CHEK1: variants seen among roughly 807,000 people sequenced by gnomAD.
The protein encoded by CHEK1 is serine/threonine-protein kinase Chk1.
A neutral mutation model predicts 60.2 loss-of-function variants in CHEK1; 32 were observed. The ratio of observed to expected loss-of-function variants is 0.53; its 90% confidence interval spans 0.40 to 0.71. The LOEUF is 0.71. CHEK1 is among the 30% of genes least tolerant of loss of function. CHEK1 has a pLI of 0.00. For synonymous variants in CHEK1, 179 were observed against 187.2 expected, an observed-to-expected ratio of 0.96 and a Z score of 0.36; for missense variants, 399 against 564.6, an observed-to-expected ratio of 0.71 and a Z score of 2.97.
intron 13 of CHEK1, among the ~76,000 whole-genome samples, chr11:125,672,994 C>G (rs1323401610): frequency 6.6e-6 from 1 of 152,068 alleles, no homozygotes. Context: ...AATCGTGCTA[C>G]TCCCCTAGCA....
chr11:125,662,959 C>T (rs1455083888), intron 13 of CHEK1, among the ~76,000 whole-genome samples: 1 of 151,932 alleles, frequency 6.6e-6, no homozygotes, highest in Non-Finnish European at 1.5e-5. Context: ...TTGCATTTCC[C>T]TAGTGGGTAA....
Position 125,633,061 on chromosome 11 carries a change from A to G in CHEK1, c.425-102A>G, listed in dbSNP as rs185242753. 9 of 1,016,546 alleles carry G rather than the reference A, an allele frequency of 8.9e-6. No homozygotes were observed. The East Asian group carries it at 2.3e-4, about 26-fold the overall frequency. 63.0% of individuals were successfully genotyped at this position (1,016,546 alleles called of 1,614,324 possible). On this transcript the variant is annotated intron_variant, in intron 5 of 12. Transcript: ENST00000438015. ...TTTTAAGAGAAGTTCTACAAACCTT[A>G]AGTAACACCAGTGATTTTTTTTCAG...
At chr11:125,638,832 T>G (rs1031571650) in intron 8 of CHEK1, among the ~76,000 whole-genome samples, 14 of 152,218 alleles carry the variant, frequency 9.2e-5, no homozygotes, top group African/African-American at 2.7e-4. Context: ...TAAATATTTA[T>G]TTGGATCATC....
At chr11:125,663,480 T>C (rs1942052163) in intron 13 of CHEK1, among the ~76,000 whole-genome samples, 1 of 152,146 alleles carries the variant, frequency 6.6e-6, no homozygotes, top group African/African-American at 2.4e-5. Context: ...TTTTAAAATT[T>C]AATATTAGAG....
chr11:125,652,321 T>C (rs950341341), intron 11 of CHEK1, among the ~76,000 whole-genome samples: 3 of 152,190 alleles, frequency 2.0e-5, no homozygotes, highest in African/African-American at 7.2e-5. Flanking sequence ...TGAGCGTCTT[T>C]CCATGCCATA....
intron 7 of CHEK1, 119 bp downstream of exon 7, chr11:125,635,652 T>C: frequency 1.7e-6 from 1 of 589,880 alleles, no homozygotes; most frequent in Non-Finnish European, 2.9e-6. Flanking sequence ...ATGTTCGTTG[T>C]AGATAAAATA....
intron 9 of CHEK1, 56 bp from the exon 10 acceptor site, chr11:125,644,034 AG>A: frequency 6.4e-7 from 1 of 1,570,474 alleles, no homozygotes; most frequent in Non-Finnish European, 8.7e-7. Context: ...GATATAAGAA[AG>A]GCCTGATAGA....
At chr11:125,638,033 G>A (rs929101935) in intron 8 of CHEK1, among the ~76,000 whole-genome samples, 7 of 152,220 alleles carry the variant, frequency 4.6e-5, no homozygotes, top group African/African-American at 1.7e-4. Flanking sequence ...TTTGTTGAGT[G>A]AGTGAACAGG....
intron 13 of CHEK1, among the ~76,000 whole-genome samples, chr11:125,668,356 C>G (rs1942136485): frequency 6.6e-6 from 1 of 152,080 alleles, no homozygotes; most frequent in Admixed American, 6.5e-5. Flanking sequence ...TTTGTTTTAT[C>G]TCATGTTCTC....
At chr11:125,626,649 G>A (rs946578486) in intron 1 of CHEK1, 100 bp from the exon 2 acceptor site, 11 of 954,034 alleles carry the variant, frequency 1.2e-5, no homozygotes, top group Admixed American at 1.8e-5. Flanking sequence ...GAAGGCAAGA[G>A]CTGTTAATTT....
intron 13 of CHEK1, among the ~76,000 whole-genome samples, chr11:125,669,586 C>A (rs1339083577): frequency 1.5e-5 from 2 of 134,924 alleles, no homozygotes; most frequent in African/African-American, 5.7e-5. Context: ...TACAGTGGTG[C>A]GATCTCGGCT....
At chr11:125,650,457 TG>T (rs1359515966) in intron 11 of CHEK1, among the ~76,000 whole-genome samples, 2 of 128,370 alleles carry the variant, frequency 1.6e-5, no homozygotes, top group Non-Finnish European at 3.3e-5. Flanking sequence ...TAGTGGTGTT[TG>T]TTTTTTTTTT....
At chr11:125,663,316 G>GT (rs938357331) in intron 13 of CHEK1, among the ~76,000 whole-genome samples, 1 of 151,936 alleles carries the variant, frequency 6.6e-6, no homozygotes, top group Non-Finnish European at 1.5e-5. Flanking sequence ...TTTTTCCAGT[G>GT]TTTTTTCTTA....
At chr11:125,671,557 T>TA (rs1208528290) in intron 13 of CHEK1, 3 of 152,204 alleles carry the variant, frequency 2.0e-5, no homozygotes, top group Non-Finnish European at 2.9e-5. Flanking sequence ...TTAAATTTTA[T>TA]ATACAGTAAA....
chr11:125,632,727 T>C (rs2135988309), intron 5 of CHEK1, among the ~76,000 whole-genome samples: 1 of 152,312 alleles, frequency 6.6e-6, no homozygotes, highest in South Asian at 2.1e-4. Context: ...TCTTCACATA[T>C]TTTCTTCTGC....
intron 11 of CHEK1, among the ~76,000 whole-genome samples, chr11:125,650,250 CTTCT>C (rs780376958): frequency 6.6e-6 from 1 of 150,870 alleles, no homozygotes; most frequent in Non-Finnish European, 1.5e-5. Context: ...TTTCTTTATT[CTTCT>C]TTCTTTATGT....
At chr11:125,664,272 C>T (rs1187923206) in intron 13 of CHEK1, among the ~76,000 whole-genome samples, 2 of 140,502 alleles carry the variant, frequency 1.4e-5, no homozygotes, top group East Asian at 2.1e-4. Context: ...CTCACTCTGT[C>T]GCCCAGGCTA....
downstream of CHEK1, among the ~76,000 whole-genome samples, chr11:125,680,493 G>A (rs1847306731): frequency 6.6e-6 from 1 of 152,110 alleles, no homozygotes; most frequent in African/African-American, 2.4e-5. Context: ...AATGTTGAGT[G>A]GCTAAAATAA....
At position 125,643,892 on chromosome 11, in the gene CHEK1, T is replaced by G. The variant is rs1159724450; in HGVS notation, c.915T>G (p.Ser305Arg). 6.2e-7 allele frequency: 1 copy of G among 1,612,954 alleles called. No individual in the cohort carries two copies. Among genetic ancestry groups the G allele is most frequent in the East Asian group, 2.2e-5 (1 of 44,872 alleles). The change falls in exon 9 of 13, where the codon AGT becomes AGG. Residue 305 changes from serine to arginine, a missense_variant. Physicochemically the swap from Ser to Arg is moderately radical, Grantham distance 110 (BLOSUM62 -1). This residue lies in a region of CHEK1 where 370 missense variants were observed against 494.8 expected (regional missense o/e 0.75). Transcript: ENST00000438015. The stretch of plus-strand genomic sequence containing the variant: ...ATTTGGACTTCTCTCCAGTAAACAG[T>G]GCTTCTAGGTAAGACTGATAAAGAT... ...QSNLDFSPVN[S>R]ASSEENVKYS...
Sources: allele counts gnomAD v4.1 joint callset (sites outside exome capture counted in the v4.1 genomes callset), GRCh38; gene constraint gnomAD v4.1.1; regional missense constraint gnomAD v4.1.1; transcripts MANE v1.5; gene names NCBI Gene and HGNC (gene_info 2026-07-23, HGNC 2026-07-21).